Variants in GALNTL6 observed in about 807,000 individuals in gnomAD.
GALNTL6 encodes the protein polypeptide N-acetylgalactosaminyltransferase like 6.
In GALNTL6, 46 loss-of-function variants were observed where a neutral mutation model predicts 73.7. The ratio of observed to expected loss-of-function variants is 0.62; its 90% CI spans 0.49 to 0.80. The LOEUF (loss-of-function observed/expected upper bound fraction) is 0.80, where lower values mean the gene tolerates loss of function less well. Among genes scored for constraint, GALNTL6 ranks in the 30% least tolerant of loss-of-function variants. The pLI, the probability that GALNTL6 is intolerant of heterozygous loss-of-function variation, is 0.00. For missense variants in GALNTL6, 604 were observed against 755.0 expected, an observed-to-expected ratio of 0.80 and a Z score of 2.34; for synonymous variants, 259 against 263.7, an observed-to-expected ratio of 0.98 and a Z score of 0.17.
chr4:173,012,005 G>A (rs1329620732), intron 11 of GALNTL6, among the ~76,000 whole-genome samples: 1 of 152,172 alleles, frequency 6.6e-6, no homozygotes. Flanking sequence ...CTGGGCTCAA[G>A]CGATCCTCTT....
intron 5 of GALNTL6, among the ~76,000 whole-genome samples, chr4:172,727,913 G>GTTTTCTT (rs1421600810): frequency 6.6e-6 from 1 of 150,392 alleles, no homozygotes; most frequent in African/African-American, 2.4e-5. Context: ...CTTTGCTATT[G>GTTTTCTT]TTTTCTTTTT....
intron 2 of GALNTL6, among the ~76,000 whole-genome samples, chr4:171,830,415 G>A (rs1246033813): frequency 1.3e-5 from 2 of 152,026 alleles, no homozygotes; most frequent in Non-Finnish European, 2.9e-5. Flanking sequence ...CACAAATTAA[G>A]TACTTGATAA....
At chr4:173,010,809 G>GCC (rs1561084928) in intron 11 of GALNTL6, among the ~76,000 whole-genome samples, 1 of 145,228 alleles carries the variant, frequency 6.9e-6, no homozygotes, top group African/African-American at 2.6e-5. Context: ...GGTTCACCAT[G>GCC]TTGGCCAGAA....
At chr4:172,950,872 A>AACAGG (rs2126342058) in intron 9 of GALNTL6, among the ~76,000 whole-genome samples, 1 of 152,330 alleles carries the variant, frequency 6.6e-6, no homozygotes, top group Admixed American at 6.5e-5. Flanking sequence ...GAAGAATTTG[A>AACAGG]ACAGGACACA....
intron 5 of GALNTL6, among the ~76,000 whole-genome samples, chr4:172,770,298 A>G (rs147597573): frequency 2.4e-3 from 365 of 151,428 alleles, no homozygotes; most frequent in African/African-American, 8.6e-3. Flanking sequence ...TAAATAAATA[A>G]ATAAGCTTTT....
At chr4:172,580,934 G>A (rs1355968732) in intron 5 of GALNTL6, among the ~76,000 whole-genome samples, 1 of 152,034 alleles carries the variant, frequency 6.6e-6, no homozygotes, top group Non-Finnish European at 1.5e-5. Context: ...GCTAATTTTT[G>A]TATTTTTAGT....
chr4:172,584,737 C>A (rs1378484333), intron 5 of GALNTL6, among the ~76,000 whole-genome samples: 1 of 152,078 alleles, frequency 6.6e-6, no homozygotes, highest in Admixed American at 6.5e-5. Context: ...TGAGGACATC[C>A]AAGTACAGTC....
chr4:172,257,053 GTC>G (rs771423994), intron 3 of GALNTL6, among the ~76,000 whole-genome samples: 3 of 151,330 alleles, frequency 2.0e-5, no homozygotes, highest in Non-Finnish European at 4.4e-5. Flanking sequence ...CAAAAGTCAT[GTC>G]TGTCTGTTCA....
In GALNTL6 at chr4:171,921,832, C is replaced by T. The variant is rs141847444; in HGVS notation, c.138+107114C>T. 5.9e-5 allele frequency among the ~76,000 whole-genome samples: 9 copies of T among 152,118 alleles called. No homozygotes were observed. The East Asian group carries it at 1.2e-3, about 20-fold the overall frequency. On this transcript the variant is annotated intron_variant, in intron 2 of 12. Coordinates refer to ENST00000506823, the MANE Select transcript of GALNTL6 (RefSeq NM_001034845.3). The stretch of plus-strand genomic sequence containing the variant: ...AATCCTTCATTTAAAAAAAGTCCTG[C>T]TGGTTTATCTTAAAAAATAAATCTT...
At chr4:172,702,196 G>T (rs986667541) in intron 5 of GALNTL6, among the ~76,000 whole-genome samples, 2 of 151,986 alleles carry the variant, frequency 1.3e-5, no homozygotes, top group African/African-American at 4.8e-5. Context: ...ATTAGAATGA[G>T]TTTCTCAAAT....
chr4:172,904,202 A>G (rs921231233), intron 8 of GALNTL6, among the ~76,000 whole-genome samples: 1 of 152,204 alleles, frequency 6.6e-6, no homozygotes, highest in South Asian at 2.1e-4. Flanking sequence ...TAATTTAACT[A>G]TTGGAAGTAT....
At chr4:172,716,145 G>T (rs563348272) in intron 5 of GALNTL6, among the ~76,000 whole-genome samples, 99 of 152,150 alleles carry the variant, frequency 6.5e-4, no homozygotes, top group African/African-American at 2.2e-3. Context: ...ATTGGGAGAG[G>T]TGCTGGTGGT....
chr4:172,355,838 A>G (rs1742134522), intron 5 of GALNTL6, among the ~76,000 whole-genome samples: 1 of 152,160 alleles, frequency 6.6e-6, no homozygotes, highest in Admixed American at 6.6e-5. Context: ...AGTTTGTAGT[A>G]TATGAAATTC....
At chr4:172,223,556 GC>G (rs1736757471) in intron 2 of GALNTL6, among the ~76,000 whole-genome samples, 1 of 151,902 alleles carries the variant, frequency 6.6e-6, no homozygotes, top group African/African-American at 2.4e-5. Flanking sequence ...TTTGTGTGTG[GC>G]TTCACCTTAT....
intron 5 of GALNTL6, among the ~76,000 whole-genome samples, chr4:172,452,945 G>A (rs1012142433): frequency 2.0e-5 from 3 of 152,212 alleles, no homozygotes; most frequent in Admixed American, 2.0e-4. Flanking sequence ...GCTCACACCT[G>A]TAATCCCAAA....
chr4:171,937,875 G>A lies in GALNTL6; in HGVS notation c.138+123157G>A, dbSNP rs569938883. On this transcript the variant is annotated intron_variant, in intron 2 of 12. Coordinates refer to ENST00000506823, the MANE Select transcript of GALNTL6 (RefSeq NM_001034845.3). ...AAAATAGTTAAAATGATTTTTTAAT[G>A]ATAAAAAGGCTCAGTAATTATTAAA... Among the ~76,000 whole-genome samples, 366 of 152,214 alleles carry A rather than the reference G, an allele frequency of 2.4e-3. 5 individuals are homozygous for A. The highest frequency in any genetic ancestry group is 3.8e-3 in the Non-Finnish European group (256 of 67,994).
intron 2 of GALNTL6, among the ~76,000 whole-genome samples, chr4:172,115,355 G>A (rs1278191109): frequency 6.6e-6 from 1 of 152,102 alleles, no homozygotes; most frequent in East Asian, 1.9e-4. Context: ...AAAAGTTATT[G>A]AAATAATTTT....
chr4:172,310,416 G>T (rs1222199806), intron 3 of GALNTL6, among the ~76,000 whole-genome samples: 1 of 152,006 alleles, frequency 6.6e-6, no homozygotes, highest in African/African-American at 2.4e-5. Flanking sequence ...GATTGCAGGT[G>T]TGTGCCACCA....
intron 8 of GALNTL6, among the ~76,000 whole-genome samples, chr4:172,912,150 T>G (rs565780269): frequency 1.2e-4 from 18 of 152,232 alleles, no homozygotes; most frequent in Non-Finnish European, 2.5e-4. Flanking sequence ...CCTCTTCATA[T>G]AGTTCTCAAG....
Sources: allele counts gnomAD v4.1 joint callset (sites outside exome capture counted in the v4.1 genomes callset), GRCh38; gene constraint gnomAD v4.1.1; transcripts MANE v1.5; gene names NCBI Gene and HGNC (gene_info 2026-07-23, HGNC 2026-07-21).